The following DHTKD1 variants were observed in gnomAD, a reference collection of about 807,000 sequenced individuals.
DHTKD1 encodes dehydrogenase E1 and transketolase domain containing 1.
Under a neutral mutation model 101.8 loss-of-function variants are expected in DHTKD1, and 78 were observed. That is an observed-to-expected ratio of 0.77 (90% CI 0.64 to 0.93). DHTKD1 has a LOEUF of 0.93. Ranked by LOEUF, DHTKD1 falls within the 40% of genes least tolerant of loss-of-function variation. The pLI is 0.00. For synonymous variants in DHTKD1, 462 were observed against 450.3 expected, an observed-to-expected ratio of 1.03 and a Z score of -0.33; for missense variants, 1,223 against 1,161.7, an observed-to-expected ratio of 1.05 and a Z score of -0.77.
rs374533689 is a variant in DHTKD1 at position 12,107,873 on chromosome 10, C to T, written c.2048-36C>T. 6.8e-5 allele frequency: 97 copies of T among 1,436,050 alleles called. No homozygotes were observed. The Middle Eastern group carries it at 1.2e-3, about 18-fold the overall frequency. 89.0% of individuals were successfully genotyped at this position (1,436,050 alleles called of 1,614,324 possible). On this transcript the variant is annotated intron_variant, in intron 11 of 16. Coordinates refer to ENST00000263035, the MANE Select transcript of DHTKD1 (RefSeq NM_018706.7). This position sits in a 1 kb window ranked among gnomAD's most constrained non-coding sequence, Gnocchi z 4.1. ...GTGTCAGGCCACTTTGTCCCCGCTT[C>T]GTAGAGCTCTTACTCCCCACGTGGT...
chr10:12,091,725 A>C (rs777183080), intron 6 of DHTKD1, 41 bp downstream of exon 6: 3 of 1,591,600 alleles, frequency 1.9e-6, no homozygotes, highest in East Asian at 4.5e-5. Flanking sequence ...TGAAGCCGAC[A>C]TGGAATTCCT....
intron 9 of DHTKD1, 98 bp downstream of exon 9, chr10:12,100,360 C>G: frequency 1.8e-6 from 1 of 561,500 alleles, no homozygotes. Context: ...TCACTGCAAC[C>G]TCCGCCTCCC....
At chr10:12,074,527 TTG>T (rs1276620189) in intron 1 of DHTKD1, among the ~76,000 whole-genome samples, 1 of 151,650 alleles carries the variant, frequency 6.6e-6, no homozygotes, top group Non-Finnish European at 1.5e-5. Flanking sequence ...GGCTAATTTT[TTG>T]TTTTTTTTTT....
intron 1 of DHTKD1, among the ~76,000 whole-genome samples, chr10:12,069,688 T>A (rs1205541584): frequency 8.0e-6 from 1 of 125,466 alleles, no homozygotes; most frequent in African/African-American, 2.9e-5. Flanking sequence ...GCCCAGCTTT[T>A]TTTTTTTTTT....
At chr10:12,119,587 G>A (rs928697270) in intron 15 of DHTKD1, among the ~76,000 whole-genome samples, 2 of 141,328 alleles carry the variant, frequency 1.4e-5, no homozygotes, top group Non-Finnish European at 3.0e-5. Flanking sequence ...CTGCACTCCA[G>A]CCTGGGCGAC....
At chr10:12,092,273 A>C (rs892369673) in intron 6 of DHTKD1, among the ~76,000 whole-genome samples, 1 of 152,064 alleles carries the variant, frequency 6.6e-6, no homozygotes, top group East Asian at 1.9e-4. Flanking sequence ...GTGAGCCACC[A>C]TGCCCAGCCT....
At chr10:12,083,961 C>T (rs1832861076) in intron 2 of DHTKD1, among the ~76,000 whole-genome samples, 3 of 151,910 alleles carry the variant, frequency 2.0e-5, no homozygotes, top group African/African-American at 2.4e-5. Flanking sequence ...CTTGCTCTGT[C>T]GCCCAGGCTG....
intron 13 of DHTKD1, among the ~76,000 whole-genome samples, chr10:12,114,854 GCT>G: frequency 6.6e-6 from 1 of 152,092 alleles, no homozygotes; most frequent in Non-Finnish European, 1.5e-5. Context: ...GGAGTGCAGT[GCT>G]GCGATCTCGG....
At chr10:12,071,209 C>A (rs1044774229) in intron 1 of DHTKD1, among the ~76,000 whole-genome samples, 1 of 152,068 alleles carries the variant, frequency 6.6e-6, no homozygotes, top group African/African-American at 2.4e-5. Flanking sequence ...CGGTCATGAC[C>A]CAGAAGTTGC....
rs1833550920 is a variant in DHTKD1 at position 12,123,182 on chromosome 10, T to A, written c.*2294T>A. 1 of 152,134 alleles carries A rather than the reference T, an allele frequency of 6.6e-6. No homozygotes were observed. The highest frequency in any genetic ancestry group is 1.5e-5 in the Non-Finnish European group (1 of 68,026). The allele number at this position is 152,134 out of a possible 1,614,324, so 9.4% of individuals were successfully genotyped here. ...ACGATTTACCAATGTTGTTTTTTTT[T>A]AACAAGAAAAAAAATAAAAGCACAT... On this transcript the variant is annotated 3_prime_UTR_variant, in exon 17 of 17. Coordinates refer to ENST00000263035, the MANE Select transcript of DHTKD1 (RefSeq NM_018706.7).
At chr10:12,104,129 G>A (rs1305374608) in intron 10 of DHTKD1, among the ~76,000 whole-genome samples, 2 of 152,070 alleles carry the variant, frequency 1.3e-5, no homozygotes, top group Non-Finnish European at 2.9e-5. Context: ...TGGCTTCTTT[G>A]ACTTGGCATC....
At chr10:12,102,780 G>A (rs993230108) in intron 10 of DHTKD1, among the ~76,000 whole-genome samples, 10 of 152,130 alleles carry the variant, frequency 6.6e-5, no homozygotes, top group African/African-American at 2.4e-4. Flanking sequence ...CCAGGCTGGA[G>A]TGCAGTGGCG....
intron 4 of DHTKD1, among the ~76,000 whole-genome samples, chr10:12,088,759 A>G (rs966556170): frequency 4.6e-5 from 7 of 151,768 alleles, no homozygotes; most frequent in African/African-American, 1.7e-4. Context: ...AATTTTTTGT[A>G]TTTTTAATAG....
At chr10:12,074,666 C>G (rs1310479512) in intron 1 of DHTKD1, among the ~76,000 whole-genome samples, 2 of 92 alleles carry the variant, frequency 0.022, no homozygotes, top group Non-Finnish European at 0.071. Flanking sequence ...TGCTATGTTG[C>G]CCCAGGCTGG....
In DHTKD1 at chr10:12,084,778, C is replaced by T. The variant is rs763375299; in HGVS notation, c.522+27C>T. On this transcript the variant is annotated intron_variant, in intron 3 of 16. Coordinates refer to ENST00000263035, the MANE Select transcript of DHTKD1 (RefSeq NM_018706.7). ...TAAAAAGGAGCATCTAGGCCGGGCA[C>T]GGTGGCTCATGCCTGTAATCCCAGC... The T allele has an allele frequency of 1.3e-5, 21 of 1,606,340 alleles. No individual in the cohort carries two copies. In the Middle Eastern group the frequency reaches 8.7e-4, roughly 67 times the overall value.
Position 12,087,617 on chromosome 10 carries a change from T to C in DHTKD1, c.605T>C (p.Phe202Ser), listed in dbSNP as rs758201908. The C allele has an allele frequency of 1.2e-6, 2 of 1,613,918 alleles. No homozygotes were observed. The highest frequency in any genetic ancestry group is 1.7e-5 in the Admixed American group (1 of 59,952). The change falls in exon 4 of 17, where the codon TTC becomes TCC. Residue 202 changes from phenylalanine (F) to serine (S), a missense_variant. Phe to Ser is a radical substitution (Grantham distance 155). Transcript: ENST00000263035. This position sits in a 1 kb window ranked among gnomAD's most constrained non-coding sequence, Gnocchi z 5.2. The stretch of plus-strand genomic sequence containing the variant: ...GGGGCTGAAAGCATGATGGGCTTTT[T>C]CCACGAGCTGCTGAAAATGTCGGCC... ...GEGAESMMGF[F>S]HELLKMSAYS...
intron 10 of DHTKD1, among the ~76,000 whole-genome samples, chr10:12,104,097 A>G (rs539758692): frequency 9.2e-5 from 14 of 152,188 alleles, no homozygotes; most frequent in Non-Finnish European, 1.5e-4. Flanking sequence ...CTAGAACGGT[A>G]TAACATGTGG....
At chr10:12,115,116 T>G (rs1188968226) in intron 13 of DHTKD1, among the ~76,000 whole-genome samples, 2 of 137,012 alleles carry the variant, frequency 1.5e-5, no homozygotes, top group African/African-American at 2.7e-5. Context: ...TTTCTTGAGA[T>G]GGAGTGTCGC....
At position 12,084,531 on chromosome 10, in the gene DHTKD1, A is replaced by G. The variant is rs2131354892; in HGVS notation, c.311-9A>G. 1 of 1,551,022 alleles carries G rather than the reference A, an allele frequency of 6.4e-7. No individual in the cohort carries two copies. Among genetic ancestry groups the G allele is most frequent in the Non-Finnish European group, 8.9e-7 (1 of 1,122,870 alleles). On this transcript the variant is annotated splice_polypyrimidine_tract_variant and intron_variant, in intron 2 of 16. Coordinates refer to ENST00000263035, the MANE Select transcript of DHTKD1 (RefSeq NM_018706.7). ...TTTTTAAGATGACCCCTTTGATTGT[A>G]TTTCACAGGATTATTGAACATGGGG...
Sources: allele counts gnomAD v4.1 joint callset (sites outside exome capture counted in the v4.1 genomes callset), GRCh38; gene constraint gnomAD v4.1.1; non-coding constraint Gnocchi (gnomAD v3.1); transcripts MANE v1.5; gene names NCBI Gene and HGNC (gene_info 2026-07-23, HGNC 2026-07-21).